COL24A1: variants seen among roughly 807,000 people sequenced by gnomAD.
COL24A1 encodes collagen type XXIV alpha 1 chain, also known as collagen alpha-1(XXIV) chain.
COL24A1 carries 224 observed loss-of-function variants against 253.9 expected under a neutral mutation model. That is an observed-to-expected ratio of 0.88 (90% confidence interval 0.79 to 0.99). The LOEUF (loss-of-function observed/expected upper bound fraction) is 0.99. Ranked by LOEUF, COL24A1 falls within the 50% of genes least tolerant of loss-of-function variation. The pLI is 0.00. For synonymous variants in COL24A1, 685 were observed against 673.7 expected (o/e 1.02, Z -0.26); for missense variants, 2,131 against 2,068.5 (o/e 1.03, Z -0.59).
Position 86,013,420 on chromosome 1 carries a change from A to G in COL24A1, c.2310+3731T>C, listed in dbSNP as rs188487518. Among the ~76,000 whole-genome samples the G allele has an allele frequency of 3.4e-4, 52 of 152,338 alleles. No homozygotes were observed. In the East Asian group the frequency reaches 8.9e-3, roughly 26 times the overall value. ...ACCCAAAAGAAAGGAGAATCATATA[A>G]CTGATCATGTGTCATCCTTTTGGCA... is the stretch of plus-strand genomic sequence containing the variant. On this transcript the variant is annotated intron_variant, in intron 19 of 59. Transcript: ENST00000370571.
rs187086176 is a variant in COL24A1, at chr1:86,079,174, C to T, written c.1707+10000G>A. On this transcript the variant is annotated intron_variant, in intron 7 of 59. Transcript: ENST00000370571. ...CACACACCTACAGTGAACTCATTTTCGACAAAGTTGCCAAGAACAGACATT... is the reference window on the plus strand; with the variant it reads ...CACACACCTACAGTGAACTCATTTTTGACAAAGTTGCCAAGAACAGACATT... Among the ~76,000 whole-genome samples the T allele has an allele frequency of 8.5e-4, 130 of 152,192 alleles. 1 individual carries two copies. The highest frequency in any genetic ancestry group is 1.7e-3 in the South Asian group (8 of 4,824).
At chr1:86,081,988 A>G (rs1306735588) in intron 7 of COL24A1, among the ~76,000 whole-genome samples, 1 of 152,152 alleles carries the variant, frequency 6.6e-6, no homozygotes, top group African/African-American at 2.4e-5. Flanking sequence ...GGAAGAACTT[A>G]TATTCATGGG....
At chr1:86,002,041 T>C (rs1217450579) in intron 19 of COL24A1, among the ~76,000 whole-genome samples, 1 of 152,184 alleles carries the variant, frequency 6.6e-6, no homozygotes, top group Non-Finnish European at 1.5e-5. Context: ...TTCTTAGTAA[T>C]TGACATATAT....
chr1:86,047,667 A>G (rs1476842349), intron 11 of COL24A1, among the ~76,000 whole-genome samples: 4 of 151,984 alleles, frequency 2.6e-5, no homozygotes, highest in African/African-American at 4.8e-5. Flanking sequence ...TAAATAAAGA[A>G]GTTAATTCAT....
chr1:85,798,697 A>T (rs1209610640), intron 47 of COL24A1, among the ~76,000 whole-genome samples: 2 of 152,200 alleles, frequency 1.3e-5, no homozygotes, highest in Non-Finnish European at 2.9e-5. Flanking sequence ...CACAATCCAC[A>T]AATGGAAAAT....
intron 5 of COL24A1, among the ~76,000 whole-genome samples, chr1:86,100,560 TAGTC>T (rs1214968333): frequency 1.6e-4 from 25 of 152,142 alleles, no homozygotes. Context: ...TGTCTTTTGT[TAGTC>T]ATAACAAGCC....
intron 24 of COL24A1, among the ~76,000 whole-genome samples, 173 bp downstream of exon 24, chr1:85,961,076 T>A (rs1267120367): frequency 6.6e-6 from 1 of 152,066 alleles, no homozygotes; most frequent in African/African-American, 2.4e-5. Context: ...TTTTCTCTTT[T>A]GTACAATAGG....
chr1:86,022,588 C>T lies in COL24A1; in HGVS notation c.2152G>A (p.Glu718Lys). 1 of 1,612,652 alleles carries T rather than the reference C, an allele frequency of 6.2e-7. No homozygotes were observed. The change falls in exon 17 of 60, where the codon GAA becomes AAA. Residue 718 changes from glutamate (E) to lysine (K), a missense_variant. By Grantham distance (56) the Glu-to-Lys change is moderately conservative. Transcript: ENST00000370571. ...CCTAGCTCTCCTGCTGTGCCTTGTT[C>T]ACCCTGGAAAGCACAATTTCATGCA... is the stretch of plus-strand genomic sequence containing the variant. ...GLPGIKGDKG[E>K]QGTAGELGEP...
chr1:85,896,547 G>A, intron 28 of COL24A1, 138 bp from the exon 29 acceptor site: 1 of 673,530 alleles, frequency 1.5e-6, no homozygotes, highest in Non-Finnish European at 2.6e-6. Flanking sequence ...CCAGGCTGGA[G>A]TGCAGTGGCG....
chr1:85,867,532 G>A (rs894017089), intron 37 of COL24A1, among the ~76,000 whole-genome samples: 1 of 152,158 alleles, frequency 6.6e-6, no homozygotes, highest in African/African-American at 2.4e-5. Flanking sequence ...GGTCAAAAGG[G>A]ATGACTCCCA....
intron 3 of COL24A1, among the ~76,000 whole-genome samples, chr1:86,120,012 C>T (rs551771296): frequency 2.0e-5 from 3 of 152,064 alleles, no homozygotes; most frequent in Non-Finnish European, 4.4e-5. Context: ...TCTGATCTTT[C>T]ACAAACCTGA....
rs1291508142 is a variant in COL24A1, at chr1:85,864,904, AGATAACAGACCGTAAGTCAG to A, written c.3300+3595_3300+3614del. Among the ~76,000 whole-genome samples, 6 of 152,324 alleles carry A rather than the reference AGATAACAGACCGTAAGTCAG, an allele frequency of 3.9e-5. No individual in the cohort carries two copies. The East Asian group carries it at 1.2e-3, about 29-fold the overall frequency. ...AACACAGTGGTAGATTTTTTAGCATAGATAACAGACCGTAAGTCAGGCAGATGTTTCCTTTCAGATGCTTC... is the reference window on the plus strand; with the variant it reads ...AACACAGTGGTAGATTTTTTAGCATAGCAGATGTTTCCTTTCAGATGCTTC... On this transcript the variant is annotated intron_variant, in intron 37 of 59. Transcript: ENST00000370571.
rs138804340 is a variant in COL24A1, at chr1:85,911,237, C to A, written c.2616+143G>T. The A allele has an allele frequency of 6.5e-3, 4,128 of 638,306 alleles. 24 individuals carry two copies. The highest frequency in any genetic ancestry group is 0.011 in the Admixed American group (349 of 33,130). The allele number at this position is 638,306 out of a possible 1,614,324, so 39.5% of individuals were successfully genotyped here. On this transcript the variant is annotated intron_variant, in intron 25 of 59. Coordinates refer to ENST00000370571, the MANE Select transcript of COL24A1 (RefSeq NM_152890.7). ...AACCTACATGCTGTTAGCTATATTT[C>A]AATATATTTAAGATATTCAGTATAG...
chr1:86,061,612 A>C (rs972089002), intron 8 of COL24A1, among the ~76,000 whole-genome samples: 1 of 152,100 alleles, frequency 6.6e-6, no homozygotes, highest in Non-Finnish European at 1.5e-5. Flanking sequence ...AAGTTCTGCT[A>C]TACTAGAACA....
chr1:85,803,499 T>A (rs1292239639), intron 47 of COL24A1, among the ~76,000 whole-genome samples: 1 of 150,380 alleles, frequency 6.6e-6, no homozygotes, highest in Non-Finnish European at 1.5e-5. Flanking sequence ...AGTCTTATGA[T>A]CCAGAGACAT....
intron 22 of COL24A1, among the ~76,000 whole-genome samples, chr1:85,969,597 T>A (rs1298353461): frequency 1.2e-5 from 1 of 84,550 alleles, no homozygotes; most frequent in African/African-American, 5.0e-5. Flanking sequence ...AGAGTGAGAC[T>A]CTGTCTCAAA....
At chr1:85,785,311 TTTTGAAATGAGA>T in intron 48 of COL24A1, among the ~76,000 whole-genome samples, 1 of 152,342 alleles carries the variant, frequency 6.6e-6, no homozygotes. Flanking sequence ...TGATTTTTAT[TTTTGAAATGAGA>T]GTTGAAATAT....
At chr1:85,834,231 G>C (rs923320973) in intron 43 of COL24A1, among the ~76,000 whole-genome samples, 3 of 152,000 alleles carry the variant, frequency 2.0e-5, no homozygotes, top group Non-Finnish European at 4.4e-5. Context: ...GTGGCTGACT[G>C]TGAGACATGA....
intron 20 of COL24A1, 23 bp from the exon 21 acceptor site, chr1:85,971,416 C>G (rs574067526): frequency 6.3e-7 from 1 of 1,583,332 alleles, no homozygotes; most frequent in Non-Finnish European, 8.6e-7. Context: ...TATAAATGCA[C>G]ACAATAGAAA....
Sources: allele counts gnomAD v4.1 joint callset (sites outside exome capture counted in the v4.1 genomes callset), GRCh38; gene constraint gnomAD v4.1.1; transcripts MANE v1.5; gene names NCBI Gene and HGNC (gene_info 2026-07-23, HGNC 2026-07-21).